INTS7: variants seen among roughly 807,000 people sequenced by gnomAD.
INTS7 encodes integrator complex subunit 7.
In INTS7, 46 loss-of-function variants were observed where a neutral mutation model predicts 109.2. The observed-to-expected ratio is 0.42, with a 90% confidence interval of 0.33 to 0.54. The LOEUF is 0.54. Among genes scored for constraint, INTS7 ranks in the 20% least tolerant of loss-of-function variants. The probability of loss-of-function intolerance (pLI) is 0.07; values close to 1 mark genes in which losing one functional copy is unlikely to be tolerated. For missense variants in INTS7, 929 were observed against 1,132.4 expected, an observed-to-expected ratio of 0.82 and a Z score of 2.58; for synonymous variants, 412 against 402.9, an observed-to-expected ratio of 1.02 and a Z score of -0.27.
At chr1:212,008,149 G>A (rs187585958) in intron 5 of INTS7, among the ~76,000 whole-genome samples, 60 of 152,264 alleles carry the variant, frequency 3.9e-4, no homozygotes, top group African/African-American at 1.1e-3. Context: ...GGGTATGAAC[G>A]TAAGACAGCA....
At chr1:211,987,772 G>C in intron 8 of INTS7, 114 bp downstream of exon 8, 1 of 541,204 alleles carries the variant, frequency 1.8e-6, no homozygotes, top group Non-Finnish European at 3.3e-6. Flanking sequence ...ATGCAATGGA[G>C]TATGAGATTT....
intron 16 of INTS7, chr1:211,965,980 T>C (rs1663859113): frequency 6.5e-6 from 1 of 153,880 alleles, no homozygotes; most frequent in African/African-American, 2.4e-5. Flanking sequence ...CAAAAGAGAA[T>C]ACTATAATAG....
At position 212,007,342 on chromosome 1, in the gene INTS7, C is replaced by G; in HGVS notation, c.664G>C (p.Val222Leu). 1.2e-6 allele frequency: 2 copies of G among 1,613,820 alleles called. No homozygotes were observed. The highest frequency in any genetic ancestry group is 1.7e-6 in the Non-Finnish European group (2 of 1,179,770). The change falls in exon 6 of 20, where the codon GTC becomes CTC. Residue 222 changes from valine to leucine, a missense_variant. Physicochemically the swap from Val to Leu is conservative, Grantham distance 32 (BLOSUM62 1). This residue lies in a region of INTS7 where 787 missense variants were observed against 901.1 expected (regional missense o/e 0.87). Coordinates refer to ENST00000366994, the MANE Select transcript of INTS7 (RefSeq NM_015434.4). ...SSARQLLQQL[V>L]TSYPSTKMVI... ...ATTTTGGTGGACGGATAGGATGTGA[C>G]CAGCTGTTGTAAAAGCTGACGAGCA...
intron 7 of INTS7, among the ~76,000 whole-genome samples, chr1:211,991,618 A>T (rs1665152004): frequency 6.6e-6 from 1 of 152,230 alleles, no homozygotes; most frequent in Non-Finnish European, 1.5e-5. Flanking sequence ...GGTAACATCT[A>T]CTGTCTGTAA....
chr1:211,974,276 AATATATAT>A (rs58474002), intron 13 of INTS7, among the ~76,000 whole-genome samples: 3 of 92,420 alleles, frequency 3.2e-5, no homozygotes, highest in Admixed American at 1.2e-4. Context: ...AGAAAAAAAA[AATATATAT>A]ATATATATAT....
chr1:211,965,108 G>GA (rs1168068807), intron 16 of INTS7, among the ~76,000 whole-genome samples: 1 of 147,818 alleles, frequency 6.8e-6, no homozygotes, highest in Non-Finnish European at 1.5e-5. Context: ...TTATTTACAA[G>GA]AAAAAAACAA....
intron 7 of INTS7, among the ~76,000 whole-genome samples, chr1:211,988,434 A>AC (rs1664996118): frequency 6.6e-6 from 1 of 151,858 alleles, no homozygotes; most frequent in Admixed American, 6.6e-5. Context: ...AAAAAAAAAA[A>AC]CAAAAAAAGC....
At chr1:212,031,164 A>C (rs1667144359) in intron 1 of INTS7, among the ~76,000 whole-genome samples, 1 of 152,138 alleles carries the variant, frequency 6.6e-6, no homozygotes, top group Admixed American at 6.6e-5. Context: ...CTTTCATCTC[A>C]TCCTTTCCAA....
At chr1:212,021,742 G>A (rs1666718646) in intron 1 of INTS7, among the ~76,000 whole-genome samples, 1 of 151,746 alleles carries the variant, frequency 6.6e-6, no homozygotes, top group Non-Finnish European at 1.5e-5. Context: ...CAGCTACTGA[G>A]GAGGCTGAGG....
In INTS7 at chr1:211,976,625, T is replaced by C. The variant is rs142806604; in HGVS notation, c.1565A>G (p.Asn522Ser). The change falls in exon 12 of 20, where the codon AAT becomes AGT. Residue 522 changes from asparagine (N) to serine (S), a missense_variant. Asn to Ser is a conservative substitution (Grantham distance 46). This residue lies in a region of INTS7 where 787 missense variants were observed against 901.1 expected (regional missense o/e 0.87). Coordinates refer to ENST00000366994, the MANE Select transcript of INTS7 (RefSeq NM_015434.4). ...GGCAATACGGTATACAGTCCATCCATTGGAGACACTTTCAAGCTGCTGCTT... is the reference window on the plus strand; with the variant it reads ...GGCAATACGGTATACAGTCCATCCACTGGAGACACTTTCAAGCTGCTGCTT... ...VIKQQLESVS[N>S]GWTVYRIARQ... The C allele has an allele frequency of 1.8e-4, 285 of 1,613,878 alleles. No homozygotes were observed. The highest frequency in any genetic ancestry group is 2.2e-4 in the Non-Finnish European group (261 of 1,179,904).
intron 7 of INTS7, among the ~76,000 whole-genome samples, chr1:211,994,089 C>A (rs1197858882): frequency 6.6e-6 from 1 of 151,236 alleles, no homozygotes; most frequent in Admixed American, 6.6e-5. Flanking sequence ...CAGAAAGTAA[C>A]AAAAGAAGGA....
At chr1:211,968,175 G>A (rs1663994301) in intron 14 of INTS7, among the ~76,000 whole-genome samples, 194 bp from the exon 15 acceptor site, 1 of 151,932 alleles carries the variant, frequency 6.6e-6, no homozygotes, top group Non-Finnish European at 1.5e-5. Context: ...AACTATACAT[G>A]TTCACAAGAT....
At position 211,946,321 on chromosome 1, in the gene INTS7, A is replaced by C. The variant is rs1234714969; in HGVS notation, c.2415+286T>G. Among the ~76,000 whole-genome samples, 2 of 152,162 alleles carry C rather than the reference A, an allele frequency of 1.3e-5. No homozygotes were observed. Among genetic ancestry groups the C allele is most frequent in the Non-Finnish European group, 2.9e-5 (2 of 68,002 alleles). Reference sequence around the variant, plus strand: ...AACATGGTGAAACCCCATCTTTACCAAAAATAAAAAAATCAGCTGCGTGAG... The same window carrying C: ...AACATGGTGAAACCCCATCTTTACCCAAAATAAAAAAATCAGCTGCGTGAG... On this transcript the variant is annotated intron_variant, in intron 18 of 19. Coordinates refer to ENST00000366994, the MANE Select transcript of INTS7 (RefSeq NM_015434.4). The surrounding 1 kb of genome is among the most constrained non-coding windows in gnomAD (Gnocchi z 4.3).
chr1:211,965,039 AT>A (rs973446725), intron 16 of INTS7, among the ~76,000 whole-genome samples: 10 of 152,228 alleles, frequency 6.6e-5, no homozygotes, highest in African/African-American at 2.4e-4. Context: ...ATGGGAGAAA[AT>A]TTTTCTAACT....
intron 16 of INTS7, among the ~76,000 whole-genome samples, chr1:211,962,592 C>G (rs771587751): frequency 6.6e-6 from 1 of 152,136 alleles, no homozygotes; most frequent in Non-Finnish European, 1.5e-5. Context: ...TCATCATCAT[C>G]TCATGGCACA....
rs567865521 is a variant in INTS7, at chr1:211,985,744, C to T, written c.997+2142G>A. On this transcript the variant is annotated intron_variant, in intron 8 of 19. Coordinates refer to ENST00000366994, the MANE Select transcript of INTS7 (RefSeq NM_015434.4). ...GACATACCGTCAAACCTTTGTGAGTCTCAGTTTCAATACTTATAAACTCCT... is the reference window on the plus strand; with the variant it reads ...GACATACCGTCAAACCTTTGTGAGTTTCAGTTTCAATACTTATAAACTCCT... Among the ~76,000 whole-genome samples the T allele has an allele frequency of 1.1e-4, 17 of 152,258 alleles. No individual in the cohort carries two copies. The East Asian group carries it at 2.9e-3, about 26-fold the overall frequency.
rs751118226 is a variant in INTS7, at chr1:212,006,781, C to T, written c.757-20G>A. 1 of 1,575,954 alleles carries T rather than the reference C, an allele frequency of 6.3e-7. No individual in the cohort carries two copies. The highest frequency in any genetic ancestry group is 1.2e-5 in the South Asian group (1 of 85,266). On this transcript the variant is annotated intron_variant, in intron 6 of 19. Transcript: ENST00000366994. Reference sequence around the variant, plus strand: ...CTGAATCTATAAAGGAAATAAGTCACTCCATAAACAATACTGTAACTGAAA... The same window carrying T: ...CTGAATCTATAAAGGAAATAAGTCATTCCATAAACAATACTGTAACTGAAA...
chr1:211,982,671 C>T lies in INTS7; in HGVS notation c.1132+5G>A. 17 of 1,599,614 alleles carry T rather than the reference C, an allele frequency of 1.1e-5. No homozygotes were observed. Among genetic ancestry groups the T allele is most frequent in the Non-Finnish European group, 1.4e-5 (16 of 1,173,406 alleles). The stretch of plus-strand genomic sequence containing the variant: ...ATACGTAATATCAGTCCTGATCAAA[C>T]TTACCCTTTTCTTGACAAGAAACAG... On this transcript the variant is annotated splice_donor_5th_base_variant and intron_variant, in intron 9 of 19. Coordinates refer to ENST00000366994, the MANE Select transcript of INTS7 (RefSeq NM_015434.4).
At chr1:212,006,571 C>T in intron 7 of INTS7, 68 bp downstream of exon 7, 2 of 742,936 alleles carry the variant, frequency 2.7e-6, no homozygotes, top group Middle Eastern at 4.4e-4. Context: ...TATAAAAATG[C>T]AAAACATTTT....
Sources: gnomAD v4.1 joint callset for allele counts (sites outside exome capture counted in the v4.1 genomes callset) on GRCh38, gnomAD v4.1.1 for gene constraint, gnomAD v4.1.1 regional missense constraint, Gnocchi (gnomAD v3.1) non-coding constraint, MANE v1.5 for transcripts, NCBI Gene and HGNC (gene_info 2026-07-23, HGNC 2026-07-21) for gene names.